The following ZFYVE26 variants were observed in gnomAD, a reference collection of about 807,000 sequenced individuals.
ZFYVE26 encodes the protein zinc finger FYVE domain-containing protein 26.
Under a neutral mutation model 276.5 loss-of-function variants are expected in ZFYVE26, and 181 were observed. That is an observed-to-expected ratio of 0.65 (90% CI 0.58 to 0.74). The LOEUF (loss-of-function observed/expected upper bound fraction) is 0.74, where lower values mean the gene tolerates loss of function less well. Among genes scored for constraint, ZFYVE26 ranks in the 30% least tolerant of loss-of-function variants. ZFYVE26 has a pLI of 0.00. For synonymous variants in ZFYVE26, 1,129 were observed against 1,203.1 expected, an observed-to-expected ratio of 0.94 and a Z score of 1.27; for missense variants, 2,821 against 3,097.9, an observed-to-expected ratio of 0.91 and a Z score of 2.12.
At position 67,732,536 on chromosome 14, in the gene ZFYVE26, C is replaced by CAAA. The variant is rs11408156; in HGVS notation, n.2680-2720_2680-2718dup. Reference sequence around the variant, plus strand: ...TATCTCTATTTATATCCAAACAAAGCAAAAAAAAAAAAAAGACTGTACAGA... The same window carrying CAAA: ...TATCTCTATTTATATCCAAACAAAGCAAAAAAAAAAAAAAAAAGACTGTACAGA... On this transcript the variant is annotated intron_variant and non_coding_transcript_variant, in intron 13 of 14. Transcript: ENST00000394455. Among the ~76,000 whole-genome samples, 74 of 130,114 alleles carry CAAA rather than the reference C, an allele frequency of 5.7e-4. 3 individuals carry two copies. The highest frequency in any genetic ancestry group is 2.6e-3 in the East Asian group (12 of 4,616). 85.4% of individuals were successfully genotyped at this position (130,114 alleles called of 152,430 possible).
chr14:67,773,053 A>G (rs973186914), intron 27 of ZFYVE26, among the ~76,000 whole-genome samples: 5 of 152,324 alleles, frequency 3.3e-5, no homozygotes, highest in African/African-American at 7.2e-5. Flanking sequence ...AAAAACAACT[A>G]TAAAAAAATC....
chr14:67,792,109 C>T (rs868836369), intron 14 of ZFYVE26, among the ~76,000 whole-genome samples: 7 of 151,054 alleles, frequency 4.6e-5, no homozygotes, highest in South Asian at 2.1e-4. Context: ...AGGGTCCTAT[C>T]CTCCTCCAAG....
At chr14:67,809,634 C>T (rs1344131932) in intron 3 of ZFYVE26, among the ~76,000 whole-genome samples, 2 of 151,866 alleles carry the variant, frequency 1.3e-5, no homozygotes, top group African/African-American at 2.4e-5. Context: ...TTTGGCCAAG[C>T]TGGTCTGGAA....
chr14:67,757,717 TTC>T (rs1210011362), intron 35 of ZFYVE26, among the ~76,000 whole-genome samples: 2 of 151,622 alleles, frequency 1.3e-5, no homozygotes, highest in African/African-American at 2.4e-5. Flanking sequence ...CTCTCTTTCT[TTC>T]TTTTTCTTTT....
At chr14:67,729,366 T>G in exon 14 of ZFYVE26, 2 of 1,597,576 alleles carry the variant, frequency 1.3e-6, no homozygotes, top group Non-Finnish European at 8.5e-7. Flanking sequence ...AGCCCCTGAG[T>G]GGCAAGTACT....
intron 41 of ZFYVE26, among the ~76,000 whole-genome samples, chr14:67,749,287 C>A (rs985440740): frequency 1.3e-5 from 2 of 152,130 alleles, no homozygotes; most frequent in Non-Finnish European, 2.9e-5. Context: ...GAGGAAGACA[C>A]ACACACACGA....
chr14:67,766,547 AG>A, intron 31 of ZFYVE26, 100 bp from the exon 32 acceptor site: 1 of 1,116,354 alleles, frequency 9.0e-7, no homozygotes, highest in East Asian at 2.5e-5. Flanking sequence ...CCCTTTCAAA[AG>A]GCTGAAAGAC....
At chr14:67,742,838 CT>C (rs71446342), downstream of ZFYVE26, among the ~76,000 whole-genome samples, 113 of 89,756 alleles carry the variant, frequency 1.3e-3, no homozygotes, top group South Asian at 5.5e-3. Flanking sequence ...TCTTCTTCTT[CT>C]TTTTTTTTTT....
At chr14:67,786,656 C>G (rs138291935) in intron 16 of ZFYVE26, among the ~76,000 whole-genome samples, 1 of 152,338 alleles carries the variant, frequency 6.6e-6, no homozygotes, top group Non-Finnish European at 1.5e-5. Flanking sequence ...CTCCTATACT[C>G]CCATATGCTC....
chr14:67,801,949 T>G (rs558369917), intron 10 of ZFYVE26, 130 bp downstream of exon 10: 1,089 of 1,014,120 alleles, frequency 1.1e-3, no homozygotes, highest in Non-Finnish European at 1.6e-3. Context: ...TGGATGAAAC[T>G]ATCCCTGGGT....
rs781434610 is a variant in ZFYVE26, at chr14:67,776,083, C to A, written c.4998G>T (p.Gln1666His). The A allele has an allele frequency of 1.9e-6, 3 of 1,614,196 alleles. No homozygotes were observed. Among genetic ancestry groups the A allele is most frequent in the Non-Finnish European group, 2.5e-6 (3 of 1,180,022 alleles). Residue 1666 changes from glutamine to histidine, a missense_variant, in exon 26 of 42, where the codon CAG (glutamine) becomes CAT (histidine). Coordinates refer to ENST00000347230, the MANE Select transcript of ZFYVE26 (RefSeq NM_015346.4). ...GSKILLTLPE[Q>H]HRASYSHLSS... is the part of the protein sequence containing the mutation. ...ACAAGTGGGAATAGCTGGCCCGGTG[C>A]TGCTCAGGCAGGGTCAGCAGAATCT...
At chr14:67,786,393 C>T (rs1435191613) in intron 16 of ZFYVE26, among the ~76,000 whole-genome samples, 160 bp from the exon 17 acceptor site, 3 of 152,070 alleles carry the variant, frequency 2.0e-5, no homozygotes, top group African/African-American at 4.8e-5. Flanking sequence ...GTATACTTGG[C>T]TTATTTCATG....
chr14:67,787,129 T>A (rs1161415089), intron 16 of ZFYVE26, among the ~76,000 whole-genome samples: 3 of 152,106 alleles, frequency 2.0e-5, no homozygotes, highest in Non-Finnish European at 4.4e-5. Flanking sequence ...ACACCTGTAA[T>A]CCCAGCACTT....
chr14:67,785,781 C>T, intron 18 of ZFYVE26, 77 bp downstream of exon 18: 1 of 1,600,998 alleles, frequency 6.2e-7, no homozygotes, highest in Non-Finnish European at 8.5e-7. Flanking sequence ...GCCTCTGCTC[C>T]AAAGTGCTTC....
chr14:67,762,934 G>C (rs150438805), intron 32 of ZFYVE26, 115 bp from the exon 33 acceptor site: 41 of 1,436,060 alleles, frequency 2.9e-5, no homozygotes, highest in Non-Finnish European at 3.8e-5. Context: ...ACAGAGTCTC[G>C]TTCTGTCACC....
chr14:67,768,433 A>G (rs2039116102), intron 30 of ZFYVE26, 84 bp downstream of exon 30: 12 of 1,462,780 alleles, frequency 8.2e-6, no homozygotes, highest in South Asian at 2.3e-5. Context: ...TTGGACAAGT[A>G]TATCAGTCAC....
At chr14:67,815,696 A>G in intron 2 of ZFYVE26, 74 bp downstream of exon 2, 4 of 1,478,976 alleles carry the variant, frequency 2.7e-6, no homozygotes, top group South Asian at 1.1e-5. Flanking sequence ...GTGGGGGCAC[A>G]TTGACCAATG....
chr14:67,751,848 C>T (rs1039271081), intron 40 of ZFYVE26, among the ~76,000 whole-genome samples: 7 of 150,424 alleles, frequency 4.7e-5, no homozygotes, highest in African/African-American at 7.3e-5. Flanking sequence ...GGCGACAGCG[C>T]GAGACTCTGT....
chr14:67,750,025 T>C (rs2038593962), intron 41 of ZFYVE26, among the ~76,000 whole-genome samples: 2 of 152,212 alleles, frequency 1.3e-5, no homozygotes, highest in Admixed American at 1.3e-4. Context: ...TTAGAGCGTG[T>C]CTTTCCCAGA....
Sources: allele counts gnomAD v4.1 joint callset (sites outside exome capture counted in the v4.1 genomes callset), GRCh38; gene constraint gnomAD v4.1.1; transcripts MANE v1.5; gene names NCBI Gene and HGNC (gene_info 2026-07-23, HGNC 2026-07-21).